The following CDS2 variants were observed in gnomAD, a reference collection of about 807,000 sequenced individuals.
CDS2 encodes the protein phosphatidate cytidylyltransferase 2.
A neutral mutation model predicts 59.0 loss-of-function variants in CDS2; 47 were observed. The observed-to-expected ratio is 0.80, with a 90% CI of 0.63 to 1.02. CDS2 has a LOEUF of 1.02. Ranked by LOEUF, CDS2 falls within the 50% of genes least tolerant of loss-of-function variation. The pLI is 0.00. For synonymous variants in CDS2, 207 were observed against 206.4 expected (o/e 1.00, Z -0.02); for missense variants, 356 against 558.9 (o/e 0.64, Z 3.66).
chr20:5,168,671 G>A, intron 1 of CDS2: 1 of 517,534 alleles, frequency 1.9e-6, no homozygotes, highest in South Asian at 1.4e-5. Context: ...TGTCCAGGAA[G>A]CCTCCCACCA....
At chr20:5,188,719 T>C in intron 10 of CDS2, among the ~76,000 whole-genome samples, 1 of 152,236 alleles carries the variant, frequency 6.6e-6, no homozygotes, top group East Asian at 1.9e-4. Flanking sequence ...CATTGGCTGC[T>C]GCCTGGCTTC....
Position 5,127,169 on chromosome 20 carries a change from G to T in CDS2, c.57+20G>T. ...GACAAGGTAGCGGCAGCGTCGGGGT[G>T]GGCGCGGCCGGGACAGCGGCGCATC... is the stretch of plus-strand genomic sequence containing the variant. On this transcript the variant is annotated intron_variant, in intron 1 of 12. Coordinates refer to ENST00000460006, the MANE Select transcript of CDS2 (RefSeq NM_003818.4). 6.8e-7 allele frequency: 1 copy of T among 1,480,606 alleles called. No homozygotes were observed. Among genetic ancestry groups the T allele is most frequent in the South Asian group, 1.3e-5 (1 of 77,722 alleles). 91.7% of individuals were successfully genotyped at this position (1,480,606 alleles called of 1,614,324 possible). A position where few individuals can be genotyped will look rare whatever the true frequency, so the allele number is the denominator to read the frequency against.
At chr20:5,137,053 C>T (rs951907250) in intron 1 of CDS2, among the ~76,000 whole-genome samples, 2 of 152,072 alleles carry the variant, frequency 1.3e-5, no homozygotes, top group African/African-American at 4.8e-5. Context: ...TCTCTTCTTG[C>T]ATTAATTTGC....
At chr20:5,161,328 G>A (rs534576965) in intron 1 of CDS2, among the ~76,000 whole-genome samples, 3 of 152,162 alleles carry the variant, frequency 2.0e-5, no homozygotes, top group African/African-American at 4.8e-5. Context: ...CCTTAGTCTC[G>A]CTAGCCACAT....
At chr20:5,173,795 C>A in intron 2 of CDS2, 136 bp downstream of exon 2, 1 of 1,010,038 alleles carries the variant, frequency 9.9e-7, no homozygotes, top group South Asian at 1.5e-5. Context: ...GCCACTGCTC[C>A]AGGCTCCATT....
At chr20:5,189,211 C>T (rs1339012177) in intron 11 of CDS2, 25 bp downstream of exon 11, 3 of 1,613,684 alleles carry the variant, frequency 1.9e-6, no homozygotes, top group East Asian at 2.2e-5. Flanking sequence ...TTACGTTCCT[C>T]TCATCTCACT....
rs1261528312 is a variant in CDS2, at chr20:5,186,827, A to G, written c.969A>G (p.Ser323=). The G allele has an allele frequency of 6.2e-7, 1 of 1,614,158 alleles. No homozygotes were observed. Among genetic ancestry groups the G allele is most frequent in the East Asian group, 2.2e-5 (1 of 44,884 alleles). The change falls in exon 10 of 13, where the codon TCA becomes TCG. Residue 323 remains serine, a synonymous_variant. Coordinates refer to ENST00000460006, the MANE Select transcript of CDS2 (RefSeq NM_003818.4). ...ACAACATTCCTGGGGTGATCCAGTC[A>G]GTCATTGGCTGGGTATGTGCCACTC... ...QEYNIPGVIQ[S]VIGWKTVRMY...
At chr20:5,147,274 G>A (rs754042946) in intron 1 of CDS2, among the ~76,000 whole-genome samples, 5 of 152,216 alleles carry the variant, frequency 3.3e-5, no homozygotes, top group Non-Finnish European at 7.3e-5. Flanking sequence ...GAGATTATAA[G>A]GATGGAGAGT....
At chr20:5,137,923 C>T (rs549580472) in intron 1 of CDS2, among the ~76,000 whole-genome samples, 12 of 151,600 alleles carry the variant, frequency 7.9e-5, no homozygotes, top group African/African-American at 2.2e-4. Flanking sequence ...CTCAGCCTCC[C>T]GAGTAGCTGG....
intron 1 of CDS2, among the ~76,000 whole-genome samples, chr20:5,140,164 A>G (rs2090682583): frequency 6.6e-6 from 1 of 152,150 alleles, no homozygotes; most frequent in African/African-American, 2.4e-5. Flanking sequence ...CATCATTTTT[A>G]TTGATGTGCC....
chr20:5,174,221 C>T (rs1369768916), intron 2 of CDS2, among the ~76,000 whole-genome samples: 5 of 152,060 alleles, frequency 3.3e-5, no homozygotes, highest in African/African-American at 7.2e-5. Context: ...ATTATAAGAC[C>T]CCAAAGCATT....
At chr20:5,136,144 C>T (rs1366351933) in intron 1 of CDS2, among the ~76,000 whole-genome samples, 1 of 152,166 alleles carries the variant, frequency 6.6e-6, no homozygotes, top group Non-Finnish European at 1.5e-5. Context: ...GTGGGCAACT[C>T]TCAGAGCCAT....
intron 1 of CDS2, among the ~76,000 whole-genome samples, chr20:5,149,426 G>A (rs528538085): frequency 6.6e-6 from 1 of 152,136 alleles, no homozygotes; most frequent in East Asian, 1.9e-4. Flanking sequence ...TTCTCAATTT[G>A]TCATTTTTAG....
chr20:5,188,601 A>T (rs1386457834), intron 10 of CDS2, among the ~76,000 whole-genome samples: 1 of 152,068 alleles, frequency 6.6e-6, no homozygotes, highest in East Asian at 1.9e-4. Flanking sequence ...ACGAGGTTGG[A>T]TGTCTTGGTC....
intron 1 of CDS2, among the ~76,000 whole-genome samples, chr20:5,162,245 G>GTGAT (rs926604956): frequency 3.6e-4 from 55 of 152,326 alleles, no homozygotes; most frequent in African/African-American, 1.3e-3. Context: ...GAGTGCCAAT[G>GTGAT]TGATGCTCAA....
At chr20:5,186,891 G>A (rs561591265) in intron 10 of CDS2, 52 bp downstream of exon 10, 3 of 1,596,458 alleles carry the variant, frequency 1.9e-6, no homozygotes, top group Admixed American at 1.7e-5. Context: ...TGGCTACAAA[G>A]AGAGATCCCC....
chr20:5,133,632 A>G (rs939977048), intron 1 of CDS2, among the ~76,000 whole-genome samples: 1 of 152,156 alleles, frequency 6.6e-6, no homozygotes, highest in African/African-American at 2.4e-5. Flanking sequence ...GGTTCAAGCA[A>G]TTCTCCTGCC....
At chr20:5,156,277 C>T (rs78896391) in intron 1 of CDS2, among the ~76,000 whole-genome samples, 3 of 151,958 alleles carry the variant, frequency 2.0e-5, no homozygotes, top group Non-Finnish European at 4.4e-5. Flanking sequence ...AACAGTGATG[C>T]GGACAGTGTT....
At chr20:5,166,852 CA>C (rs141475089) in intron 1 of CDS2, among the ~76,000 whole-genome samples, 2,298 of 152,284 alleles carry the variant, frequency 0.015, 59 homozygotes, top group African/African-American at 0.051. Context: ...GAATGATGCA[CA>C]GCCAGGGAGG....
Sources: gnomAD v4.1 joint callset for allele counts (sites outside exome capture counted in the v4.1 genomes callset) on GRCh38, gnomAD v4.1.1 for gene constraint, MANE v1.5 for transcripts, NCBI Gene and HGNC (gene_info 2026-07-23, HGNC 2026-07-21) for gene names.